Variants in DNAH9 observed in about 807,000 individuals in gnomAD.
The protein encoded by DNAH9 is dynein axonemal heavy chain 9, also known as DNAH9 variant protein.
In DNAH9, 345 loss-of-function variants were observed where a neutral mutation model predicts 471.6. The ratio of observed to expected loss-of-function variants is 0.73; its 90% confidence interval spans 0.67 to 0.80. DNAH9 has a LOEUF of 0.80. Among genes scored for constraint, DNAH9 ranks in the 30% least tolerant of loss-of-function variants. The probability of loss-of-function intolerance (pLI) is 0.00; values close to 1 mark genes in which losing one functional copy is unlikely to be tolerated. For missense variants in DNAH9, 5,407 were observed against 5,609.2 expected, an observed-to-expected ratio of 0.96 and a Z score of 1.15; for synonymous variants, 2,093 against 2,123.6, an observed-to-expected ratio of 0.99 and a Z score of 0.40.
chr17:11,726,006 G>A (rs938004549), intron 27 of DNAH9, among the ~76,000 whole-genome samples: 1 of 152,094 alleles, frequency 6.6e-6, no homozygotes, highest in African/African-American at 2.4e-5. Context: ...GTAATTCAAG[G>A]CTTTTTACAA....
In DNAH9 at chr17:11,682,268, C is replaced by T. The variant is rs367692975; in HGVS notation, c.3743+1379C>T. Among the ~76,000 whole-genome samples, 14 of 150,568 alleles carry T rather than the reference C, an allele frequency of 9.3e-5. No individual in the cohort carries two copies. In the South Asian group the frequency reaches 1.3e-3, roughly 14 times the overall value. On this transcript the variant is annotated intron_variant, in intron 19 of 68. Coordinates refer to ENST00000262442, the MANE Select transcript of DNAH9 (RefSeq NM_001372.4). ...AATGCTTGGGAGATAGCAGCATTTT[C>T]GAGGTAGCGTCTTGCTCTGTCACCC...
chr17:11,831,471 A>T (rs1970682613), intron 48 of DNAH9, among the ~76,000 whole-genome samples: 1 of 152,000 alleles, frequency 6.6e-6, no homozygotes, highest in Non-Finnish European at 1.5e-5. Flanking sequence ...CGCCCCCATG[A>T]CACAAATATC....
intron 61 of DNAH9, 116 bp downstream of exon 61, chr17:11,905,925 C>T (rs1163909067): frequency 7.7e-7 from 1 of 1,292,434 alleles, no homozygotes; most frequent in Non-Finnish European, 1.0e-6. Context: ...CACTGCAAAT[C>T]ATACAGAAGT....
At chr17:11,770,644 CAAGT>C (rs1308937483) in intron 38 of DNAH9, among the ~76,000 whole-genome samples, 1 of 152,152 alleles carries the variant, frequency 6.6e-6, no homozygotes, top group Non-Finnish European at 1.5e-5. Context: ...TGAAAATTAA[CAAGT>C]AAGACAAAAT....
chr17:11,749,717 C>G (rs956097898), intron 32 of DNAH9, among the ~76,000 whole-genome samples: 1 of 152,008 alleles, frequency 6.6e-6, no homozygotes, highest in Admixed American at 6.6e-5. Context: ...TGTAACCGTA[C>G]CATTTATTAA....
chr17:11,794,535 T>C (rs1222595213), intron 42 of DNAH9, among the ~76,000 whole-genome samples: 2 of 152,194 alleles, frequency 1.3e-5, no homozygotes, highest in Non-Finnish European at 2.9e-5. Context: ...CCAGGCGAAA[T>C]AGCCTGAATC....
At chr17:11,841,369 G>A (rs1338146818) in intron 49 of DNAH9, among the ~76,000 whole-genome samples, 1 of 152,188 alleles carries the variant, frequency 6.6e-6, no homozygotes, top group African/African-American at 2.4e-5. Flanking sequence ...AGCAGGTATT[G>A]AGGAAAGAGA....
At chr17:11,677,562 T>C (rs1227925641) in intron 17 of DNAH9, among the ~76,000 whole-genome samples, 1 of 152,232 alleles carries the variant, frequency 6.6e-6, no homozygotes, top group Non-Finnish European at 1.5e-5. Flanking sequence ...ATAATGAGCA[T>C]AGAACTGATT....
chr17:11,797,044 A>G (rs1038035719), intron 42 of DNAH9, among the ~76,000 whole-genome samples: 10 of 152,320 alleles, frequency 6.6e-5, no homozygotes, highest in Middle Eastern at 3.4e-3. Flanking sequence ...TAAGATTACC[A>G]TAAATAAACC....
chr17:11,811,487 C>T (rs998296547), intron 45 of DNAH9, among the ~76,000 whole-genome samples: 4 of 152,096 alleles, frequency 2.6e-5, no homozygotes, highest in African/African-American at 9.7e-5. Flanking sequence ...TACAAACTCT[C>T]ATGCCCCCAA....
Position 11,784,350 on chromosome 17 carries a change from C to T in DNAH9, c.7872C>T (p.Ser2624=), listed in dbSNP as rs780004251. 4 of 1,614,092 alleles carry T rather than the reference C, an allele frequency of 2.5e-6. No individual in the cohort carries two copies. In the East Asian group the frequency reaches 6.7e-5, roughly 27 times the overall value. ...VLSFPGADAL[S]SIYSIILTQH... Reference sequence around the variant, plus strand: ...CCTTCCCGGGGGCAGATGCCCTGTCCTCTATCTACAGCATCATCCTCACTC... The same window carrying T: ...CCTTCCCGGGGGCAGATGCCCTGTCTTCTATCTACAGCATCATCCTCACTC... The change falls in exon 41 of 69, where the codon TCC becomes TCT. Residue 2624 remains serine (S), a synonymous_variant. Coordinates refer to ENST00000262442, the MANE Select transcript of DNAH9 (RefSeq NM_001372.4).
At chr17:11,657,051 A>G (rs1486614792) in intron 14 of DNAH9, among the ~76,000 whole-genome samples, 6 of 152,144 alleles carry the variant, frequency 3.9e-5, no homozygotes, top group Admixed American at 6.5e-5. Context: ...ACAGTCTGAT[A>G]TAAGTTATTC....
intron 41 of DNAH9, among the ~76,000 whole-genome samples, chr17:11,786,825 G>T (rs1418370485): frequency 6.6e-6 from 1 of 152,100 alleles, no homozygotes; most frequent in Non-Finnish European, 1.5e-5. Context: ...TGTTCCCCTG[G>T]CCTGTTTCTC....
intron 50 of DNAH9, among the ~76,000 whole-genome samples, chr17:11,864,772 T>C (rs1199081992): frequency 6.6e-6 from 1 of 152,018 alleles, no homozygotes; most frequent in African/African-American, 2.4e-5. Context: ...TTTACCATTA[T>C]GTAATGGCCT....
chr17:11,823,078 G>T, intron 48 of DNAH9, 44 bp downstream of exon 48: 1 of 1,536,226 alleles, frequency 6.5e-7, no homozygotes, highest in Middle Eastern at 1.8e-4. Context: ...GACTTGGAGG[G>T]AGCTGAAGCA....
At chr17:11,825,099 G>A (rs900756175) in intron 48 of DNAH9, among the ~76,000 whole-genome samples, 2 of 152,048 alleles carry the variant, frequency 1.3e-5, no homozygotes, top group Admixed American at 6.6e-5. Context: ...GTATGATGAC[G>A]AAAACCTCTT....
chr17:11,798,304 G>A (rs571209684), intron 43 of DNAH9, among the ~76,000 whole-genome samples: 2 of 151,544 alleles, frequency 1.3e-5, no homozygotes, highest in African/African-American at 4.8e-5. Flanking sequence ...GTGGTGGCAC[G>A]TGCCTATCAT....
intron 14 of DNAH9, among the ~76,000 whole-genome samples, chr17:11,660,926 C>A (rs543060257): frequency 6.6e-6 from 1 of 152,042 alleles, no homozygotes; most frequent in Non-Finnish European, 1.5e-5. Context: ...TTGTTGTGAT[C>A]TTTTACAGGC....
In DNAH9 at chr17:11,744,738, A is replaced by T. The variant is rs73975087; in HGVS notation, c.6112-59A>T. ...ATAGCATATCTATGATTCTGCAGAC[A>T]CTCACCCCAGCACATGGTGTTCTGT... On this transcript the variant is annotated intron_variant, in intron 30 of 68. Coordinates refer to ENST00000262442, the MANE Select transcript of DNAH9 (RefSeq NM_001372.4). 3,823 of 1,459,106 alleles carry T rather than the reference A, an allele frequency of 2.6e-3. 95 individuals carry two copies. In the African/African-American group the frequency reaches 0.048, roughly 18 times the overall value. The allele number at this position is 1,459,106 out of a possible 1,614,324, so 90.4% of individuals were successfully genotyped here. A position where few individuals can be genotyped will look rare whatever the true frequency, so the allele number is the denominator to read the frequency against.
Sources: allele counts gnomAD v4.1 joint callset (sites outside exome capture counted in the v4.1 genomes callset), GRCh38; gene constraint gnomAD v4.1.1; transcripts MANE v1.5; gene names NCBI Gene and HGNC (gene_info 2026-07-23, HGNC 2026-07-21).